RNF212: variants seen among roughly 807,000 people sequenced by gnomAD.
RNF212 encodes the protein ring finger protein 212.
In RNF212, 33 loss-of-function variants were observed where a neutral mutation model predicts 34.7. The ratio of observed to expected loss-of-function variants is 0.95; its 90% confidence interval spans 0.72 to 1.27. The LOEUF (loss-of-function observed/expected upper bound fraction) is 1.27. Among genes scored for constraint, RNF212 ranks in the 50% most tolerant of loss-of-function variants. RNF212 has a pLI of 0.00. For synonymous variants in RNF212, 140 were observed against 136.1 expected (o/e 1.03, Z -0.20); for missense variants, 377 against 362.2 (o/e 1.04, Z -0.33).
intron 1 of RNF212, among the ~76,000 whole-genome samples, chr4:1,109,801 T>A (rs1263644198): frequency 2.0e-5 from 3 of 152,084 alleles, no homozygotes; most frequent in African/African-American, 7.2e-5. Flanking sequence ...CAGCATCTCT[T>A]CCAGCCCAAG....
In RNF212 at chr4:1,106,249, TACACACACAC is replaced by T. The variant is rs35166968; in HGVS notation, c.171+2084_171+2093del. Among the ~76,000 whole-genome samples the T allele has an allele frequency of 3.3e-3, 483 of 146,052 alleles. 5 individuals are homozygous for T. The highest frequency in any genetic ancestry group is 0.027 in the Middle Eastern group (8 of 292). On this transcript the variant is annotated intron_variant, in intron 2 of 9. Coordinates refer to ENST00000433731, the MANE Select transcript of RNF212 (RefSeq NM_001131034.4). ...CTTCTACATGTTAAACAATTTTACT[TACACACACAC>T]ACACACACACACACACACACACACA...
chr4:1,084,411 C>T (rs1399950979), intron 5 of RNF212, among the ~76,000 whole-genome samples: 1 of 152,090 alleles, frequency 6.6e-6, no homozygotes, highest in Non-Finnish European at 1.5e-5. Flanking sequence ...AATGTAAAAG[C>T]CATGGTCAGC....
chr4:1,074,003 T>C (rs1718864855), intron 8 of RNF212, among the ~76,000 whole-genome samples: 1 of 152,092 alleles, frequency 6.6e-6, no homozygotes, highest in South Asian at 2.1e-4. Flanking sequence ...TCTGAGTAAA[T>C]CATTCTTGGG....
At chr4:1,093,469 G>C (rs1411867007) in intron 3 of RNF212, 1 of 1,447,818 alleles carries the variant, frequency 6.9e-7, no homozygotes, top group Non-Finnish European at 9.1e-7. Context: ...TCCACCCTGC[G>C]TTTGTGATGC....
At position 1,106,207 on chromosome 4, in the gene RNF212, AAG is replaced by A. The variant is rs938928426; in HGVS notation, c.171+2134_171+2135del. Among the ~76,000 whole-genome samples, 9 of 150,690 alleles carry A rather than the reference AAG, an allele frequency of 6.0e-5. No homozygotes were observed. In the East Asian group the frequency reaches 1.6e-3, roughly 26 times the overall value. ...CACACGGTCTGTGATGGTTTAGAGAAAGAGAAGCAGGAACAACTTCTACATGT... is the reference window on the plus strand; with the variant it reads ...CACACGGTCTGTGATGGTTTAGAGAAAGAAGCAGGAACAACTTCTACATGT... On this transcript the variant is annotated intron_variant, in intron 2 of 9. Transcript: ENST00000433731.
chr4:1,084,486 T>C (rs1720859676), intron 5 of RNF212, among the ~76,000 whole-genome samples: 1 of 151,924 alleles, frequency 6.6e-6, no homozygotes, highest in Non-Finnish European at 1.5e-5. Flanking sequence ...TTGCAGCACT[T>C]TGGGACGCTG....
downstream of RNF212, among the ~76,000 whole-genome samples, chr4:1,068,716 C>T (rs1325604745): frequency 1.3e-5 from 2 of 152,174 alleles, no homozygotes; most frequent in Non-Finnish European, 2.9e-5. Flanking sequence ...TAAATGCCTT[C>T]CTTTACATTT....
intron 4 of RNF212, chr4:1,058,290 A>AGGAAGGTGCTTGCGGGGGTTAGAACGCT (rs1717482471): frequency 2.7e-6 from 1 of 366,284 alleles, no homozygotes; most frequent in Non-Finnish European, 3.7e-6. Context: ...GTTAGAACGC[A>AGGAAGGTGCTTGCGGGGGTTAGAACGCT]GTGAAGAAGG....
chr4:1,080,784 A>G (rs1338407414), intron 7 of RNF212, among the ~76,000 whole-genome samples: 1 of 152,162 alleles, frequency 6.6e-6, no homozygotes, highest in Non-Finnish European at 1.5e-5. Context: ...TAAGTAATAA[A>G]TCTGAATGTG....
chr4:1,057,209 G>A (rs572393740), intron 4 of RNF212, among the ~76,000 whole-genome samples: 1 of 152,286 alleles, frequency 6.6e-6, no homozygotes, highest in East Asian at 1.9e-4. Context: ...CAGGAGGGTC[G>A]ACAACCCAGG....
intron 3 of RNF212, among the ~76,000 whole-genome samples, chr4:1,095,295 C>A (rs1327298130): frequency 1.1e-5 from 1 of 93,004 alleles, no homozygotes; most frequent in Non-Finnish European, 2.1e-5. Flanking sequence ...TCCATGGTCT[C>A]GGGATAGCGC....
At chr4:1,073,339 T>C (rs2153036511) in intron 9 of RNF212, 146 bp from the exon 10 acceptor site, 5 of 1,171,438 alleles carry the variant, frequency 4.3e-6, no homozygotes, top group Non-Finnish European at 5.9e-6. Flanking sequence ...AGTGACACTA[T>C]TTTTGTTTAA....
At chr4:1,093,660 C>A (rs540621160) in intron 3 of RNF212, 1 of 1,536,024 alleles carries the variant, frequency 6.5e-7, no homozygotes, top group Non-Finnish European at 8.7e-7. Context: ...CTCTGCAGCA[C>A]TTGGCAAAAC....
chr4:1,093,552 C>T, intron 3 of RNF212: 1 of 680,976 alleles, frequency 1.5e-6, no homozygotes, highest in South Asian at 2.2e-5. Flanking sequence ...CTCCACGGCC[C>T]ATGCCGGAAG....
chr4:1,070,144 G>T (rs1445463247), downstream of RNF212, among the ~76,000 whole-genome samples: 1 of 150,456 alleles, frequency 6.6e-6, no homozygotes, highest in African/African-American at 2.5e-5. Context: ...GGGTGGTTTC[G>T]TAGGACTGCG....
downstream of RNF212, among the ~76,000 whole-genome samples, chr4:1,069,234 T>A (rs768174502): frequency 6.6e-6 from 1 of 151,490 alleles, no homozygotes; most frequent in Non-Finnish European, 1.5e-5. Context: ...AATCTATGAA[T>A]CCATATTGTT....
chr4:1,098,991 C>A (rs1029465832), intron 2 of RNF212, among the ~76,000 whole-genome samples: 4 of 152,162 alleles, frequency 2.6e-5, no homozygotes, highest in African/African-American at 9.7e-5. Flanking sequence ...GGGACTGAGT[C>A]ATTCTACACA....
intron 5 of RNF212, chr4:1,081,873 G>A (rs1199066436): frequency 1.0e-5 from 5 of 486,226 alleles, no homozygotes; most frequent in Non-Finnish European, 3.7e-6. Context: ...AACTGCAACT[G>A]TCACTCAGCA....
In RNF212 at chr4:1,072,801, G is replaced by T. The variant is rs187572097; in HGVS notation, c.*73C>A. 8 of 1,489,298 alleles carry T rather than the reference G, an allele frequency of 5.4e-6. No individual in the cohort carries two copies. Among genetic ancestry groups the T allele is most frequent in the Non-Finnish European group, 7.2e-6 (8 of 1,115,838 alleles). 92.3% of individuals were successfully genotyped at this position (1,489,298 alleles called of 1,614,324 possible). A position where few individuals can be genotyped will look rare whatever the true frequency, so the allele number is the denominator to read the frequency against. The stretch of plus-strand genomic sequence containing the variant: ...ACATAAATGACAAAGGAATAAAGCA[G>T]ATAATTTGTAGAAAAAACACAGAGG... On this transcript the variant is annotated 3_prime_UTR_variant, in exon 10 of 10. Transcript: ENST00000433731.
Sources: gnomAD v4.1 joint callset for allele counts (sites outside exome capture counted in the v4.1 genomes callset) on GRCh38, gnomAD v4.1.1 for gene constraint, MANE v1.5 for transcripts, NCBI Gene and HGNC (gene_info 2026-07-23, HGNC 2026-07-21) for gene names.